Variants in RPS6KA2 observed in about 807,000 individuals in gnomAD.
The protein encoded by RPS6KA2 is ribosomal protein S6 kinase alpha-2.
In RPS6KA2, 42 loss-of-function variants were observed where a neutral mutation model predicts 91.8. The observed-to-expected ratio is 0.46, with a 90% CI of 0.36 to 0.59. The LOEUF is 0.59. RPS6KA2 is among the 20% of genes least tolerant of loss of function. The pLI is 0.00. For missense variants in RPS6KA2, 798 were observed against 978.5 expected (o/e 0.82, Z 2.46); for synonymous variants, 414 against 393.6 (o/e 1.05, Z -0.61).
In RPS6KA2 at chr6:166,732,151, C is replaced by G. The variant is rs1341889436; in HGVS notation, c.123+126049G>C. On this transcript the variant is annotated intron_variant, in intron 2 of 21. Transcript: ENST00000503859. This position sits in a 1 kb window ranked among gnomAD's most constrained non-coding sequence, Gnocchi z 4.0. ...TTTTACCAATAAATAAATAAATAAC[C>G]AAGAAAAATACTTTAATACAATGTG... 6.8e-6 allele frequency among the ~76,000 whole-genome samples: 1 copy of G among 147,610 alleles called. No homozygotes were observed. Among genetic ancestry groups the G allele is most frequent in the Non-Finnish European group, 1.5e-5 (1 of 67,832 alleles).
intron 10 of RPS6KA2, among the ~76,000 whole-genome samples, chr6:166,475,295 TGA>T (rs1780927817): frequency 6.6e-6 from 1 of 152,108 alleles, no homozygotes; most frequent in Admixed American, 6.5e-5. Flanking sequence ...GCTGCACCCT[TGA>T]GAGCCCCCAC....
chr6:166,604,141 C>G (rs895004098), intron 1 of RPS6KA2, among the ~76,000 whole-genome samples: 2 of 152,198 alleles, frequency 1.3e-5, no homozygotes, highest in Admixed American at 1.3e-4. Context: ...GTGAGCAACT[C>G]TACGTAAAAT....
chr6:166,487,580 A>G (rs1258129534), intron 10 of RPS6KA2, among the ~76,000 whole-genome samples: 2 of 152,200 alleles, frequency 1.3e-5, no homozygotes, highest in East Asian at 3.9e-4. Context: ...AAATACAACT[A>G]TGGGACATCT....
At chr6:166,718,554 C>T (rs932077090) in intron 2 of RPS6KA2, among the ~76,000 whole-genome samples, 1 of 152,328 alleles carries the variant, frequency 6.6e-6, no homozygotes, top group East Asian at 1.9e-4. Flanking sequence ...TAAAATGCAA[C>T]CGTATCTGAA....
At position 166,508,916 on chromosome 6, in the gene RPS6KA2, T is replaced by TGA. The variant is rs1782363904; in HGVS notation, c.380-635_380-634insTC. 6.6e-6 allele frequency among the ~76,000 whole-genome samples: 1 copy of TGA among 152,144 alleles called. No individual in the cohort carries two copies. Among genetic ancestry groups the TGA allele is most frequent in the African/African-American group, 2.4e-5 (1 of 41,434 alleles). ...CCCACACTCAGCAAGGGCCTGCCTCTGTTGAGCGGGCGCATGAGCACGGGA... is the reference window on the plus strand; with the variant it reads ...CCCACACTCAGCAAGGGCCTGCCTCTGAGTTGAGCGGGCGCATGAGCACGGGA... On this transcript the variant is annotated intron_variant, in intron 4 of 20. Coordinates refer to ENST00000265678, the MANE Select transcript of RPS6KA2 (RefSeq NM_021135.6). The surrounding 1 kb of genome is among the most constrained non-coding windows in gnomAD (Gnocchi z 4.3).
rs905219185 is a variant in RPS6KA2 at position 166,748,356 on chromosome 6, T to A, written c.123+109844A>T. On this transcript the variant is annotated intron_variant, in intron 2 of 21. Transcript: ENST00000503859. ...ATCCTGAAAACTAACAAGTAATGGGTGTTTCTGCGGTGTCTTCCACCGGCA... is the reference window on the plus strand; with the variant it reads ...ATCCTGAAAACTAACAAGTAATGGGAGTTTCTGCGGTGTCTTCCACCGGCA... 5.3e-5 allele frequency among the ~76,000 whole-genome samples: 8 copies of A among 152,196 alleles called. No homozygotes were observed. In the South Asian group the frequency reaches 1.2e-3, roughly 24 times the overall value.
At chr6:166,470,658 TC>T (rs1399476141) in intron 10 of RPS6KA2, among the ~76,000 whole-genome samples, 7 of 152,044 alleles carry the variant, frequency 4.6e-5, no homozygotes, top group African/African-American at 1.7e-4. Context: ...ATCGCCACTG[TC>T]CCCCCAGAAC....
At chr6:166,777,948 G>A (rs1778669756) in intron 2 of RPS6KA2, among the ~76,000 whole-genome samples, 1 of 146,192 alleles carries the variant, frequency 6.8e-6, no homozygotes, top group South Asian at 2.1e-4. Context: ...AGATATAAAA[G>A]AAGACTAAAG....
chr6:166,818,353 A>C (rs2128622415), intron 2 of RPS6KA2, among the ~76,000 whole-genome samples: 1 of 152,216 alleles, frequency 6.6e-6, no homozygotes, highest in Non-Finnish European at 1.5e-5. Context: ...TAAATTTTCC[A>C]CAACCTGAAT....
intron 2 of RPS6KA2, among the ~76,000 whole-genome samples, chr6:166,537,392 T>G (rs1297670039): frequency 1.3e-5 from 2 of 152,276 alleles, no homozygotes; most frequent in Non-Finnish European, 1.5e-5. Flanking sequence ...TTGTGCTTTT[T>G]GGTAATGGCT....
chr6:166,560,915 G>A (rs918500326), intron 1 of RPS6KA2, among the ~76,000 whole-genome samples: 17 of 149,010 alleles, frequency 1.1e-4, no homozygotes, highest in East Asian at 3.9e-4. Context: ...CTTTTGGGGC[G>A]TATTTCTTAG....
intron 11 of RPS6KA2, among the ~76,000 whole-genome samples, chr6:166,468,602 G>A (rs1035935217): frequency 3.9e-5 from 6 of 152,038 alleles, no homozygotes; most frequent in Middle Eastern, 6.8e-3. Flanking sequence ...GGTGGCTCAC[G>A]CCTGTAATCC....
chr6:166,730,030 T>C lies in RPS6KA2; in HGVS notation c.123+128170A>G, dbSNP rs1583056690. Among the ~76,000 whole-genome samples the C allele has an allele frequency of 2.0e-5, 3 of 152,228 alleles. No individual in the cohort carries two copies. The East Asian group carries it at 5.8e-4, about 29-fold the overall frequency. ...TATGTTTCATCAAGATAATTTTCTG[T>C]GTTGCCTTTATTAGATTTTCTGATT... is the stretch of plus-strand genomic sequence containing the variant. On this transcript the variant is annotated intron_variant, in intron 2 of 21. Coordinates refer to the RPS6KA2 transcript ENST00000503859.
At chr6:166,772,836 A>T (rs1023846988) in intron 2 of RPS6KA2, among the ~76,000 whole-genome samples, 4 of 152,174 alleles carry the variant, frequency 2.6e-5, no homozygotes, top group Admixed American at 6.5e-5. Flanking sequence ...AGAATCACTG[A>T]CTGTCTTTCC....
At position 166,666,202 on chromosome 6, in the gene RPS6KA2, C is replaced by T. The variant is rs528171627; in HGVS notation, c.124-127418G>A. The stretch of plus-strand genomic sequence containing the variant: ...GCCTGGGTCACGGGGTCTGCCCCAT[C>T]TAGTGAGTGCTCTGCTGTGCATCAG... On this transcript the variant is annotated intron_variant, in intron 2 of 21. Transcript: ENST00000503859. The surrounding 1 kb of genome is among the most constrained non-coding windows in gnomAD (Gnocchi z 4.0). 1.3e-5 allele frequency among the ~76,000 whole-genome samples: 2 copies of T among 152,286 alleles called. No homozygotes were observed. Among genetic ancestry groups the T allele is most frequent in the East Asian group, 3.9e-4 (2 of 5,180 alleles).
At chr6:166,463,854 A>C (rs1213819965) in intron 11 of RPS6KA2, among the ~76,000 whole-genome samples, 1 of 152,240 alleles carries the variant, frequency 6.6e-6, no homozygotes, top group Non-Finnish European at 1.5e-5. Flanking sequence ...ACGATTTTCA[A>C]AGCGTCACGA....
intron 2 of RPS6KA2, among the ~76,000 whole-genome samples, chr6:166,750,170 C>T (rs766854761): frequency 5.3e-5 from 8 of 152,192 alleles, no homozygotes; most frequent in Non-Finnish European, 5.9e-5. Context: ...CGGTTCCATC[C>T]GCCTAGGTTT....
chr6:166,436,904 G>C (rs1779336521), intron 14 of RPS6KA2, among the ~76,000 whole-genome samples: 1 of 152,162 alleles, frequency 6.6e-6, no homozygotes. Context: ...TGACCCGGGA[G>C]AATTAATCCA....
In RPS6KA2 at chr6:166,435,869, G is replaced by C. The variant is rs1021566608; in HGVS notation, c.1333-3379C>G. ...GGAGGAAGGCGTTGCTCCTGGGGAG[G>C]CCACGTGCTGCGTGGTTGGCGGCCC... is the stretch of plus-strand genomic sequence containing the variant. On this transcript the variant is annotated intron_variant, in intron 14 of 20. Transcript: ENST00000265678. The surrounding 1 kb of genome is among the most constrained non-coding windows in gnomAD (Gnocchi z 4.3). Among the ~76,000 whole-genome samples the C allele has an allele frequency of 6.6e-6, 1 of 152,264 alleles. No homozygotes were observed. Among genetic ancestry groups the C allele is most frequent in the African/African-American group, 2.4e-5 (1 of 41,476 alleles).
Sources: gnomAD v4.1 joint callset for allele counts (sites outside exome capture counted in the v4.1 genomes callset) on GRCh38, gnomAD v4.1.1 for gene constraint, Gnocchi (gnomAD v3.1) non-coding constraint, MANE v1.5 for transcripts, NCBI Gene and HGNC (gene_info 2026-07-23, HGNC 2026-07-21) for gene names.